PRR16: variants seen among roughly 807,000 people sequenced by gnomAD.
PRR16 encodes the protein protein Largen.
Under a neutral mutation model 18.2 loss-of-function variants are expected in PRR16, and 6 were observed. That is an observed-to-expected ratio of 0.33 (90% CI 0.18 to 0.65). PRR16 has a LOEUF of 0.65. Among genes scored for constraint, PRR16 ranks in the 30% least tolerant of loss-of-function variants. PRR16 has a pLI of 0.74. For synonymous variants in PRR16, 151 were observed against 147.8 expected, an observed-to-expected ratio of 1.02 and a Z score of -0.16; for missense variants, 412 against 376.6, an observed-to-expected ratio of 1.09 and a Z score of -0.78.
Position 120,685,091 on chromosome 5 carries a change from C to G in PRR16, c.160-863C>G, listed in dbSNP as rs116245313. On this transcript the variant is annotated intron_variant, in intron 1 of 1. Transcript: ENST00000407149. ...TTTTGCTTCTACCCTCTCTCAGAAGCAAAATATCTTTGCCTGTGTCTTACA... is the reference window on the plus strand; with the variant it reads ...TTTTGCTTCTACCCTCTCTCAGAAGGAAAATATCTTTGCCTGTGTCTTACA... 3.8e-3 allele frequency among the ~76,000 whole-genome samples: 577 copies of G among 152,318 alleles called. 1 individual carries two copies. The highest frequency in any genetic ancestry group is 0.013 in the African/African-American group (555 of 41,566).
At chr5:120,480,891 C>T (rs1048294075) in intron 1 of PRR16, among the ~76,000 whole-genome samples, 1 of 152,050 alleles carries the variant, frequency 6.6e-6, no homozygotes, top group African/African-American at 2.4e-5. Flanking sequence ...TATTAAGAAA[C>T]TTTGATTTCC....
intron 1 of PRR16, among the ~76,000 whole-genome samples, chr5:120,657,776 G>T (rs548693485): frequency 7.2e-4 from 109 of 152,026 alleles, no homozygotes; most frequent in African/African-American, 2.6e-3. Flanking sequence ...CAACTTGGAA[G>T]AAAGCATTAG....
At chr5:120,489,147 G>T (rs1026152892) in intron 1 of PRR16, among the ~76,000 whole-genome samples, 69 of 152,156 alleles carry the variant, frequency 4.5e-4, no homozygotes, top group Non-Finnish European at 7.1e-4. Flanking sequence ...GGGTGGAGAG[G>T]TCTGTAGATG....
the PRR16 span, among the ~76,000 whole-genome samples, chr5:120,708,704 A>C: frequency 6.6e-6 from 1 of 152,158 alleles, no homozygotes; most frequent in Non-Finnish European, 1.5e-5. Flanking sequence ...TCAGAACCCA[A>C]TCCTACCAAA....
chr5:120,558,219 G>T (rs898734868), intron 1 of PRR16, among the ~76,000 whole-genome samples: 1 of 151,744 alleles, frequency 6.6e-6, no homozygotes, highest in Non-Finnish European at 1.5e-5. Context: ...CTGTTGTGCT[G>T]TCAAATACTA....
intron 1 of PRR16, among the ~76,000 whole-genome samples, chr5:120,506,975 G>A (rs1236958823): frequency 6.6e-6 from 1 of 152,074 alleles, no homozygotes; most frequent in Admixed American, 6.6e-5. Flanking sequence ...AGAAGGCAAG[G>A]CAACTGTTAA....
chr5:120,500,934 A>G (rs1398188450), intron 1 of PRR16, among the ~76,000 whole-genome samples: 1 of 151,734 alleles, frequency 6.6e-6, no homozygotes, highest in Admixed American at 6.6e-5. Context: ...ATTGGATAAC[A>G]CTCCCTTTTT....
chr5:120,557,228 T>G (rs180889989), intron 1 of PRR16, among the ~76,000 whole-genome samples: 124 of 152,044 alleles, frequency 8.2e-4, no homozygotes, highest in African/African-American at 2.8e-3. Flanking sequence ...GGTATTGATA[T>G]ATTTTTCATA....
chr5:120,582,095 T>G (rs1385231705), intron 1 of PRR16, among the ~76,000 whole-genome samples: 5 of 152,104 alleles, frequency 3.3e-5, no homozygotes, highest in Non-Finnish European at 4.4e-5. Context: ...GAAAATGTGG[T>G]ATATATAAAA....
intron 1 of PRR16, among the ~76,000 whole-genome samples, chr5:120,573,932 G>A (rs1295384161): frequency 6.6e-6 from 1 of 151,470 alleles, no homozygotes; most frequent in East Asian, 1.9e-4. Flanking sequence ...ACACCATTTA[G>A]TATAGCAAAA....
At chr5:120,782,238 T>A in the PRR16 span, among the ~76,000 whole-genome samples, 3 of 152,132 alleles carry the variant, frequency 2.0e-5, no homozygotes, top group Non-Finnish European at 4.4e-5. Flanking sequence ...CTTCATTAAG[T>A]GTGTGACCAG....
intron 1 of PRR16, among the ~76,000 whole-genome samples, chr5:120,591,969 T>C (rs1055654317): frequency 2.6e-4 from 39 of 152,134 alleles, no homozygotes; most frequent in African/African-American, 8.4e-4. Context: ...CTATTTGATA[T>C]GTATAAGATA....
chr5:120,766,518 C>T, the PRR16 span, among the ~76,000 whole-genome samples: 1 of 151,766 alleles, frequency 6.6e-6, no homozygotes, highest in African/African-American at 2.4e-5. Flanking sequence ...TTGCAAACAT[C>T]TTTCTTTGTG....
intron 1 of PRR16, among the ~76,000 whole-genome samples, chr5:120,586,211 A>G (rs76091629): frequency 0.022 from 3,290 of 152,218 alleles, 143 homozygotes; most frequent in African/African-American, 0.074. Context: ...GAACACAACA[A>G]CATCTTAATT....
the PRR16 span, among the ~76,000 whole-genome samples, chr5:120,704,111 A>G: frequency 6.6e-6 from 1 of 152,228 alleles, no homozygotes; most frequent in Non-Finnish European, 1.5e-5. Context: ...TCTTAAGAGA[A>G]CACAGGCTCC....
intron 1 of PRR16, among the ~76,000 whole-genome samples, chr5:120,527,976 C>A (rs1751424922): frequency 6.6e-6 from 1 of 152,126 alleles, no homozygotes; most frequent in African/African-American, 2.4e-5. Flanking sequence ...TCCCCAGATT[C>A]CTTTCTTATA....
chr5:120,501,817 G>A (rs978988277), intron 1 of PRR16, among the ~76,000 whole-genome samples: 25 of 151,758 alleles, frequency 1.6e-4, no homozygotes, highest in Admixed American at 2.6e-4. Flanking sequence ...TTAGCCGGGC[G>A]TGGTGGCGGG....
chr5:120,564,525 C>T (rs909519363), intron 1 of PRR16, among the ~76,000 whole-genome samples: 1 of 152,156 alleles, frequency 6.6e-6, no homozygotes, highest in Non-Finnish European at 1.5e-5. Flanking sequence ...TCTTTGCTCT[C>T]CGCTATAACA....
At chr5:120,757,175 T>C in the PRR16 span, among the ~76,000 whole-genome samples, 3 of 152,104 alleles carry the variant, frequency 2.0e-5, no homozygotes, top group Admixed American at 6.6e-5. Context: ...TCTTGGTCTA[T>C]TTGTCTGCTT....
Sources: gnomAD v4.1 joint callset for allele counts (sites outside exome capture counted in the v4.1 genomes callset) on GRCh38, gnomAD v4.1.1 for gene constraint, MANE v1.5 for transcripts, NCBI Gene and HGNC (gene_info 2026-07-23, HGNC 2026-07-21) for gene names.